The following CSMD3 variants were observed in gnomAD, a reference collection of about 807,000 sequenced individuals.
CSMD3 encodes CUB and sushi domain-containing protein 3.
In CSMD3, 177 loss-of-function variants were observed where a neutral mutation model predicts 435.2. The observed-to-expected ratio is 0.41, with a 90% CI of 0.36 to 0.46. The LOEUF is 0.46. Ranked by LOEUF, CSMD3 falls within the 20% of genes least tolerant of loss-of-function variation. The pLI is 0.34. For missense variants in CSMD3, 4,265 were observed against 4,504.6 expected (o/e 0.95, Z 1.52); for synonymous variants, 1,656 against 1,520.5 (o/e 1.09, Z -2.07).
chr8:113,119,266 A>G (rs1209768851), intron 4 of CSMD3, among the ~76,000 whole-genome samples: 1 of 152,224 alleles, frequency 6.6e-6, no homozygotes, highest in African/African-American at 2.4e-5. Flanking sequence ...TTGTGTAAAC[A>G]AAGGCACTAT....
At chr8:113,298,050 G>A (rs2093735377) in intron 2 of CSMD3, among the ~76,000 whole-genome samples, 1 of 152,108 alleles carries the variant, frequency 6.6e-6, no homozygotes, top group Non-Finnish European at 1.5e-5. Context: ...AATATTAGCT[G>A]TGTGAACTTG....
At chr8:112,391,608 C>T (rs994354004) in intron 35 of CSMD3, among the ~76,000 whole-genome samples, 1 of 151,774 alleles carries the variant, frequency 6.6e-6, no homozygotes, top group Non-Finnish European at 1.5e-5. Context: ...AGGAGAATTG[C>T]TTGAACCCAG....
chr8:112,325,990 ATCAAATTGGG>A (rs764351527), intron 45 of CSMD3, among the ~76,000 whole-genome samples: 2 of 152,156 alleles, frequency 1.3e-5, no homozygotes, highest in Non-Finnish European at 2.9e-5. Flanking sequence ...CCACTATGAC[ATCAAATTGGG>A]TTTCTATTTC....
intron 4 of CSMD3, among the ~76,000 whole-genome samples, chr8:113,173,370 GGGGTGCAGT>G (rs1237032480): frequency 3.9e-5 from 6 of 152,036 alleles, no homozygotes; most frequent in African/African-American, 1.4e-4. Flanking sequence ...TGCCTAGGCT[GGGGTGCAGT>G]GGCGCGATCT....
At chr8:112,408,857 A>C (rs1179812174) in intron 33 of CSMD3, 62 bp downstream of exon 33, 10 of 1,611,672 alleles carry the variant, frequency 6.2e-6, no homozygotes, top group Non-Finnish European at 7.6e-6. Context: ...CTTTCACTAC[A>C]ATACTAATCA....
At chr8:112,711,912 G>A (rs1168152854) in intron 13 of CSMD3, among the ~76,000 whole-genome samples, 1 of 151,946 alleles carries the variant, frequency 6.6e-6, no homozygotes, top group African/African-American at 2.4e-5. Flanking sequence ...ACAGGAGCAC[G>A]ACACCAATTA....
chr8:112,241,670 G>T (rs377298351), intron 66 of CSMD3, 50 bp downstream of exon 66: 2 of 1,250,288 alleles, frequency 1.6e-6, no homozygotes, highest in South Asian at 2.4e-5. Context: ...GAAAATAGTA[G>T]ACCATTTTTA....
At position 112,682,671 on chromosome 8, in the gene CSMD3, AAAC is replaced by A. The variant is rs1184944836; in HGVS notation, c.2483-38_2483-36del. ...AATATGCAAAGAAAAATACACAAAC[AAAC>A]AACATTAGCCAGAGAGAGATCCTTC... On this transcript the variant is annotated intron_variant, in intron 15 of 70. Coordinates refer to ENST00000297405, the MANE Select transcript of CSMD3 (RefSeq NM_198123.2). The A allele has an allele frequency of 3.0e-6, 4 of 1,351,676 alleles. No homozygotes were observed. The African/African-American group carries it at 4.3e-5, about 15-fold the overall frequency. The allele number at this position is 1,351,676 out of a possible 1,614,324, so 83.7% of individuals were successfully genotyped here.
intron 27 of CSMD3, among the ~76,000 whole-genome samples, chr8:112,522,146 A>G (rs1290106273): frequency 6.6e-6 from 1 of 151,822 alleles, no homozygotes. Flanking sequence ...TTTACTTTCA[A>G]AATAGAACTG....
chr8:113,258,444 A>G (rs2093401576), intron 3 of CSMD3, among the ~76,000 whole-genome samples: 2 of 152,158 alleles, frequency 1.3e-5, no homozygotes, highest in African/African-American at 4.8e-5. Flanking sequence ...CAAAGACTAC[A>G]TTCTCCAGCA....
At chr8:112,775,190 T>C (rs529533842) in intron 13 of CSMD3, among the ~76,000 whole-genome samples, 1 of 151,614 alleles carries the variant, frequency 6.6e-6, no homozygotes, top group African/African-American at 2.4e-5. Flanking sequence ...TATTATATGA[T>C]ATATTATCAT....
chr8:113,122,395 TC>T (rs1260875028), intron 4 of CSMD3, among the ~76,000 whole-genome samples: 5 of 152,098 alleles, frequency 3.3e-5, no homozygotes, highest in Non-Finnish European at 7.4e-5. Context: ...ACAGATATTT[TC>T]CCTGGGAACC....
At chr8:113,330,621 G>A (rs764290229) in intron 1 of CSMD3, among the ~76,000 whole-genome samples, 3 of 151,876 alleles carry the variant, frequency 2.0e-5, no homozygotes, top group Non-Finnish European at 3.0e-5. Flanking sequence ...TATGGAAGCA[G>A]TTATGAAAAT....
At chr8:113,162,345 C>T (rs939602149) in intron 4 of CSMD3, among the ~76,000 whole-genome samples, 23 of 151,850 alleles carry the variant, frequency 1.5e-4, no homozygotes, top group African/African-American at 5.6e-4. Context: ...GCAGGTAGAT[C>T]ACCTGAGGTT....
In CSMD3 at chr8:112,656,158, A is replaced by G; in HGVS notation, c.3000T>C (p.Tyr1000=). The G allele has an allele frequency of 1.3e-6, 2 of 1,525,906 alleles. No homozygotes were observed. Among genetic ancestry groups the G allele is most frequent in the East Asian group, 2.3e-5 (1 of 44,330 alleles). 94.5% of individuals were successfully genotyped at this position (1,525,906 alleles called of 1,614,324 possible). The change falls in exon 18 of 71, where the codon TAT becomes TAC. Residue 1000 remains tyrosine (Y), a synonymous_variant. Transcript: ENST00000297405. The part of the protein sequence containing the change: ...SRSNNGFKIH[Y]ESVTVNTYSC... ...AAAAGTTTTATCATTACTTACTTTC[A>G]TAATGAATCTTGAAACCATTATTGG...
intron 1 of CSMD3, among the ~76,000 whole-genome samples, chr8:113,426,170 G>T (rs2094634895): frequency 6.6e-6 from 1 of 151,276 alleles, no homozygotes; most frequent in Admixed American, 6.6e-5. Context: ...TTCAATATTA[G>T]AAAATGCAGG....
At chr8:112,227,024 T>G (rs1024168308) in intron 70 of CSMD3, among the ~76,000 whole-genome samples, 4 of 152,202 alleles carry the variant, frequency 2.6e-5, no homozygotes, top group Non-Finnish European at 5.9e-5. Flanking sequence ...GGTTACTCAG[T>G]AAATTAAACA....
At chr8:112,427,332 T>C (rs1318780901) in intron 32 of CSMD3, among the ~76,000 whole-genome samples, 1 of 152,136 alleles carries the variant, frequency 6.6e-6, no homozygotes, top group Non-Finnish European at 1.5e-5. Flanking sequence ...AGGGACCCAG[T>C]GTGAGGTAAC....
At chr8:113,120,887 T>C (rs554982450) in intron 4 of CSMD3, among the ~76,000 whole-genome samples, 5 of 152,234 alleles carry the variant, frequency 3.3e-5, no homozygotes, top group African/African-American at 9.6e-5. Context: ...TTTGACTGTA[T>C]AGTAATATAA....
Sources: gnomAD v4.1 joint callset for allele counts (sites outside exome capture counted in the v4.1 genomes callset) on GRCh38, gnomAD v4.1.1 for gene constraint, MANE v1.5 for transcripts, NCBI Gene and HGNC (gene_info 2026-07-23, HGNC 2026-07-21) for gene names.